Variants in CNOT9 observed in about 807,000 individuals in gnomAD.
CNOT9 encodes RCD1 required for cell differentiation1 homolog.
A neutral mutation model predicts 37.4 loss-of-function variants in CNOT9; 8 were observed. The observed-to-expected ratio is 0.21, with a 90% confidence interval of 0.13 to 0.39. CNOT9 has a LOEUF of 0.39. Among genes scored for constraint, CNOT9 ranks in the 10% least tolerant of loss-of-function variants. The probability of loss-of-function intolerance (pLI) is 1.00; values close to 1 mark genes in which losing one functional copy is unlikely to be tolerated. For synonymous variants in CNOT9, 120 were observed against 137.6 expected, an observed-to-expected ratio of 0.87 and a Z score of 0.90; for missense variants, 154 against 365.3, an observed-to-expected ratio of 0.42 and a Z score of 4.71.
At chr2:218,577,902 C>T (rs959634970) in intron 1 of CNOT9, among the ~76,000 whole-genome samples, 1 of 152,188 alleles carries the variant, frequency 6.6e-6, no homozygotes, top group African/African-American at 2.4e-5. Context: ...ATTGTGGGGT[C>T]ATCCAAGAGA....
chr2:218,569,322 A>G (rs6737706), intron 1 of CNOT9, among the ~76,000 whole-genome samples: 6,136 of 152,280 alleles, frequency 0.04, 161 homozygotes, highest in East Asian at 0.12. Flanking sequence ...GGGGAATTCC[A>G]TGGTCAATCT....
intron 4 of CNOT9, 143 bp from the exon 5 acceptor site, chr2:218,587,443 C>T (rs1445903903): frequency 1.3e-5 from 16 of 1,275,828 alleles, no homozygotes; most frequent in Middle Eastern, 2.0e-4. Context: ...TTTTTTAATA[C>T]GAGTGTGAAT....
intron 5 of CNOT9, among the ~76,000 whole-genome samples, chr2:218,590,960 A>C (rs1413094698): frequency 6.6e-6 from 1 of 152,058 alleles, no homozygotes; most frequent in Non-Finnish European, 1.5e-5. Flanking sequence ...CAGAGTGCTG[A>C]GATTACCAGC....
intron 7 of CNOT9, chr2:218,593,088 A>G (rs1694833862): frequency 1.6e-5 from 4 of 242,744 alleles, no homozygotes; most frequent in Non-Finnish European, 3.2e-5. Flanking sequence ...TCTATTTCCA[A>G]TTCTGTCCTT....
chr2:218,573,687 T>A (rs188003574), intron 1 of CNOT9: 1 of 153,240 alleles, frequency 6.5e-6, no homozygotes, highest in East Asian at 1.9e-4. Context: ...TAAACATCTT[T>A]ATACTTTTCA....
At chr2:218,579,755 G>A (rs1694305092) in intron 1 of CNOT9, among the ~76,000 whole-genome samples, 1 of 152,070 alleles carries the variant, frequency 6.6e-6, no homozygotes, top group African/African-American at 2.4e-5. Flanking sequence ...CCAAAGTGCT[G>A]GGATTACAGG....
At chr2:218,569,096 C>G (rs572293833) in intron 1 of CNOT9, 118 bp downstream of exon 1, 1 of 1,109,874 alleles carries the variant, frequency 9.0e-7, no homozygotes, top group Non-Finnish European at 1.3e-6. Context: ...CCCTCAATCT[C>G]CAAGGCCCCG....
At position 218,582,760 on chromosome 2, in the gene CNOT9, A is replaced by G. The variant is rs555223143; in HGVS notation, c.205-211A>G. Among the ~76,000 whole-genome samples, 73 of 152,250 alleles carry G rather than the reference A, an allele frequency of 4.8e-4. 2 individuals are homozygous for G. The highest frequency in any genetic ancestry group is 7.4e-5 in the Non-Finnish European group (5 of 67,996). On this transcript the variant is annotated intron_variant, in intron 2 of 7. Transcript: ENST00000273064. ...AAAAAAAAAAATCTTCCTAGAGACA[A>G]ATGTAGAAATGTCTTAGCTAGTCTC...
intron 2 of CNOT9, 54 bp from the exon 3 acceptor site, chr2:218,582,917 G>A: frequency 2.0e-6 from 2 of 978,234 alleles, no homozygotes; most frequent in Middle Eastern, 4.2e-4. Flanking sequence ...TATTACCATG[G>A]GAATTAATTT....
intron 2 of CNOT9, among the ~76,000 whole-genome samples, chr2:218,581,520 A>T (rs1035422275): frequency 3.9e-5 from 6 of 152,114 alleles, no homozygotes; most frequent in African/African-American, 1.4e-4. Flanking sequence ...AGGTGGGTAC[A>T]CTTGTACATT....
chr2:218,583,032 G>A lies in CNOT9; in HGVS notation c.266G>A (p.Arg89Lys). The A allele has an allele frequency of 6.2e-7, 1 of 1,613,990 alleles. No homozygotes were observed. Among genetic ancestry groups the A allele is most frequent in the East Asian group, 2.2e-5 (1 of 44,876 alleles). The change falls in exon 3 of 8, where the codon AGA (arginine) becomes AAA (lysine). Residue 89 changes from arginine (R) to lysine (K), a missense_variant. Arg to Lys is a conservative substitution (Grantham distance 26). Transcript: ENST00000273064. The part of the protein sequence containing the change: ...PPTLTAHQSN[R>K]VCNALALLQC... Reference sequence around the variant, plus strand: ...ACCTTGACAGCACACCAGTCTAACAGAGTTTGCAATGCTCTGGCATTACTG... The same window carrying A: ...ACCTTGACAGCACACCAGTCTAACAAAGTTTGCAATGCTCTGGCATTACTG...
intron 7 of CNOT9, 90 bp from the exon 8 acceptor site, chr2:218,594,018 A>G: frequency 2.3e-6 from 3 of 1,283,326 alleles, no homozygotes; most frequent in South Asian, 1.3e-5. Context: ...TATTCTAAAT[A>G]TTTATGTCTA....
At chr2:218,590,690 G>A (rs1003967452) in intron 5 of CNOT9, among the ~76,000 whole-genome samples, 1 of 152,110 alleles carries the variant, frequency 6.6e-6, no homozygotes, top group Admixed American at 6.6e-5. Context: ...GCATTCCCTG[G>A]ATTATGGCCC....
chr2:218,586,368 C>G (rs1015927395), intron 4 of CNOT9, among the ~76,000 whole-genome samples: 1 of 152,138 alleles, frequency 6.6e-6, no homozygotes, highest in East Asian at 1.9e-4. Flanking sequence ...CACCAAAGAG[C>G]TTGTGCTCCC....
At position 218,579,663 on chromosome 2, in the gene CNOT9, T is replaced by G. The variant is rs571405229; in HGVS notation, c.25-898T>G. On this transcript the variant is annotated intron_variant, in intron 1 of 7. Coordinates refer to ENST00000273064, the MANE Select transcript of CNOT9 (RefSeq NM_005444.3). ...CACCACGCCCAGCTAATTTTTTGTATTTTTAGTAGAGACACCAGTTTCACC... is the reference window on the plus strand; with the variant it reads ...CACCACGCCCAGCTAATTTTTTGTAGTTTTAGTAGAGACACCAGTTTCACC... Among the ~76,000 whole-genome samples the G allele has an allele frequency of 1.4e-3, 214 of 151,908 alleles. 1 individual carries two copies. The South Asian group carries it at 0.022, about 16-fold the overall frequency.
intron 1 of CNOT9, among the ~76,000 whole-genome samples, chr2:218,578,525 G>A (rs1180445761): frequency 1.3e-5 from 2 of 152,210 alleles, no homozygotes; most frequent in Non-Finnish European, 2.9e-5. Flanking sequence ...TAAGTACTGT[G>A]AGAAACTGTA....
At chr2:218,569,670 C>A (rs544182577) in intron 1 of CNOT9, among the ~76,000 whole-genome samples, 1 of 152,182 alleles carries the variant, frequency 6.6e-6, no homozygotes, top group Non-Finnish European at 1.5e-5. Context: ...ATGTCTCTTG[C>A]TCCTAAAGCT....
intron 2 of CNOT9, 163 bp downstream of exon 2, chr2:218,580,903 G>A: frequency 1.4e-6 from 1 of 717,408 alleles, no homozygotes; most frequent in South Asian, 1.5e-5. Context: ...TTAAAATGCA[G>A]ATTCTTGGAT....
intron 5 of CNOT9, among the ~76,000 whole-genome samples, chr2:218,590,044 G>A (rs1694721634): frequency 9.8e-6 from 1 of 102,392 alleles, no homozygotes. Flanking sequence ...TAGAAATATT[G>A]CTTTTTTCTG....
Sources: allele counts gnomAD v4.1 joint callset (sites outside exome capture counted in the v4.1 genomes callset), GRCh38; gene constraint gnomAD v4.1.1; transcripts MANE v1.5; gene names NCBI Gene and HGNC (gene_info 2026-07-23, HGNC 2026-07-21).